The following MAD1L1 variants were observed in gnomAD, a reference collection of about 807,000 sequenced individuals.
MAD1L1 encodes mitotic arrest deficient 1 like 1.
In MAD1L1, 95 loss-of-function variants were observed where a neutral mutation model predicts 96.9. The observed-to-expected ratio is 0.98, with a 90% CI of 0.83 to 1.16. MAD1L1 has a LOEUF of 1.16. MAD1L1 is among the 50% of genes most tolerant of loss of function. The probability of loss-of-function intolerance (pLI) is 0.00; values close to 1 mark genes in which losing one functional copy is unlikely to be tolerated. For synonymous variants in MAD1L1, 473 were observed against 396.6 expected (o/e 1.19, Z -2.29); for missense variants, 1,007 against 954.4 (o/e 1.06, Z -0.73).
intron 12 of MAD1L1, among the ~76,000 whole-genome samples, chr7:2,047,717 GCACA>G (rs888903145): frequency 5.9e-5 from 9 of 152,168 alleles, no homozygotes; most frequent in East Asian, 3.9e-4. Context: ...TCAGACACAT[GCACA>G]CACAGAGCTC....
chr7:1,833,256 C>T (rs1416882661), intron 18 of MAD1L1, among the ~76,000 whole-genome samples: 1 of 152,178 alleles, frequency 6.6e-6, no homozygotes, highest in Non-Finnish European at 1.5e-5. Context: ...GATCTGGAAC[C>T]AAATGCGTGA....
chr7:2,207,089 A>C (rs893669487), intron 10 of MAD1L1, among the ~76,000 whole-genome samples: 1 of 152,098 alleles, frequency 6.6e-6, no homozygotes, highest in African/African-American at 2.4e-5. Context: ...AAAAAAAAAA[A>C]AAAAAAGAAA....
chr7:1,971,620 T>A (rs778362763), intron 15 of MAD1L1, among the ~76,000 whole-genome samples: 8 of 152,168 alleles, frequency 5.3e-5, no homozygotes, highest in Non-Finnish European at 1.0e-4. Flanking sequence ...CACTTAAGTG[T>A]AATCTCTCTC....
intron 12 of MAD1L1, among the ~76,000 whole-genome samples, chr7:2,041,475 C>A (rs1356139155): frequency 6.6e-6 from 1 of 152,232 alleles, no homozygotes; most frequent in Non-Finnish European, 1.5e-5. Flanking sequence ...TTGCTGCTTT[C>A]TGTAATTTTT....
At chr7:1,846,747 C>G (rs1188982053) in intron 18 of MAD1L1, 1 of 167,544 alleles carries the variant, frequency 6.0e-6, no homozygotes, top group African/African-American at 2.4e-5. Flanking sequence ...CTCCAGACGC[C>G]CCCCCACCGC....
chr7:2,145,868 G>A (rs141851689), intron 11 of MAD1L1, among the ~76,000 whole-genome samples: 7 of 152,322 alleles, frequency 4.6e-5, no homozygotes, highest in African/African-American at 9.6e-5. Context: ...AGAGGAGCCC[G>A]ACCCACAGGA....
chr7:1,936,904 G>GAACACAC lies in MAD1L1; in HGVS notation c.1597-14_1597-8dup, dbSNP rs770003376. On this transcript the variant is annotated splice_polypyrimidine_tract_variant and splice_region_variant and intron_variant, in intron 16 of 18. Transcript: ENST00000265854. The stretch of plus-strand genomic sequence containing the variant: ...TGCTCTGGTCATAGTCACCCTGCAG[G>GAACACAC]AACACACACAGCACAGGTCACCATG... 448 of 1,582,726 alleles carry GAACACAC rather than the reference G, an allele frequency of 2.8e-4. No individual in the cohort carries two copies. The highest frequency in any genetic ancestry group is 3.4e-4 in the Non-Finnish European group (390 of 1,162,490).
chr7:2,136,701 C>A (rs60850179), intron 11 of MAD1L1, among the ~76,000 whole-genome samples: 4 of 152,316 alleles, frequency 2.6e-5, no homozygotes, highest in African/African-American at 9.6e-5. Flanking sequence ...CTCCTCGGGG[C>A]TCAGCAGTGG....
intron 10 of MAD1L1, among the ~76,000 whole-genome samples, chr7:2,177,546 T>C (rs1336929700): frequency 1.3e-5 from 2 of 152,226 alleles, no homozygotes; most frequent in Non-Finnish European, 2.9e-5. Flanking sequence ...TTATCCTTAG[T>C]AATATTTTGT....
chr7:2,197,920 C>A (rs987527366), intron 10 of MAD1L1, among the ~76,000 whole-genome samples: 1 of 152,092 alleles, frequency 6.6e-6, no homozygotes, highest in African/African-American at 2.4e-5. Context: ...CAGGTCCCAG[C>A]CCCCAGGCCC....
chr7:1,889,664 T>C (rs888658780), intron 18 of MAD1L1, among the ~76,000 whole-genome samples: 1 of 152,206 alleles, frequency 6.6e-6, no homozygotes, highest in Non-Finnish European at 1.5e-5. Flanking sequence ...CCAGCCAGGC[T>C]CTTGGAGTTA....
At chr7:2,149,693 A>G (rs1789476750) in intron 10 of MAD1L1, among the ~76,000 whole-genome samples, 1 of 152,190 alleles carries the variant, frequency 6.6e-6, no homozygotes, top group Non-Finnish European at 1.5e-5. Context: ...ACGATTCCAG[A>G]TTGTCTCAGT....
intron 18 of MAD1L1, among the ~76,000 whole-genome samples, chr7:1,897,644 A>G (rs1215491557): frequency 1.3e-5 from 2 of 152,242 alleles, no homozygotes. Context: ...TCATGTCCAC[A>G]ACGGTGGACC....
intron 9 of MAD1L1, 98 bp from the exon 10 acceptor site, chr7:2,213,371 T>A: frequency 8.8e-7 from 1 of 1,131,738 alleles, no homozygotes; most frequent in Admixed American, 1.8e-5. Flanking sequence ...CCCTGACCTC[T>A]CAGGAGAGCC....
intron 14 of MAD1L1, among the ~76,000 whole-genome samples, chr7:1,994,311 T>C (rs1194443615): frequency 9.9e-5 from 15 of 152,152 alleles, no homozygotes; most frequent in Admixed American, 9.8e-4. Context: ...GTGTCTGCGA[T>C]GCAGGGGCAG....
At chr7:2,189,730 C>T (rs1791629508) in intron 10 of MAD1L1, among the ~76,000 whole-genome samples, 1 of 152,148 alleles carries the variant, frequency 6.6e-6, no homozygotes, top group African/African-American at 2.4e-5. Context: ...GATGGTTGCA[C>T]AGCAATATGA....
intron 14 of MAD1L1, among the ~76,000 whole-genome samples, chr7:1,998,992 A>G (rs1451420074): frequency 6.6e-6 from 1 of 150,876 alleles, no homozygotes; most frequent in Non-Finnish European, 1.5e-5. Flanking sequence ...CAGTCCACAG[A>G]CCCCACAGTC....
intron 18 of MAD1L1, among the ~76,000 whole-genome samples, chr7:1,888,111 G>A (rs1401990522): frequency 6.8e-6 from 1 of 147,374 alleles, no homozygotes; most frequent in Non-Finnish European, 1.5e-5. Context: ...GGCTGCCTGT[G>A]CCTGTGTGTG....
At chr7:2,074,123 T>G (rs529359307) in intron 11 of MAD1L1, among the ~76,000 whole-genome samples, 1 of 151,662 alleles carries the variant, frequency 6.6e-6, no homozygotes, top group Non-Finnish European at 1.5e-5. Context: ...GCACACGGGA[T>G]GTGGGTGAGG....
Sources: gnomAD v4.1 joint callset for allele counts (sites outside exome capture counted in the v4.1 genomes callset) on GRCh38, gnomAD v4.1.1 for gene constraint, MANE v1.5 for transcripts, NCBI Gene and HGNC (gene_info 2026-07-23, HGNC 2026-07-21) for gene names.